The following MAGI2 variants were observed in gnomAD, a reference collection of about 807,000 sequenced individuals.
The protein encoded by MAGI2 is membrane associated guanylate kinase, WW and PDZ domain containing 2.
A neutral mutation model predicts 133.3 loss-of-function variants in MAGI2; 35 were observed. That is an observed-to-expected ratio of 0.26 (90% CI 0.20 to 0.35). The LOEUF is 0.35. Ranked by LOEUF, MAGI2 falls within the 10% of genes least tolerant of loss-of-function variation. The pLI is 1.00. For missense variants in MAGI2, 1,636 were observed against 1,863.4 expected, an observed-to-expected ratio of 0.88 and a Z score of 2.25; for synonymous variants, 729 against 710.6, an observed-to-expected ratio of 1.03 and a Z score of -0.41.
intron 1 of MAGI2, among the ~76,000 whole-genome samples, chr7:79,305,265 A>G (rs1267785513): frequency 6.6e-6 from 1 of 152,166 alleles, no homozygotes; most frequent in Non-Finnish European, 1.5e-5. Flanking sequence ...ATATGTATAT[A>G]GTTTTCAGAG....
intron 20 of MAGI2, 116 bp downstream of exon 20, chr7:78,125,575 CTAG>C: frequency 1.0e-6 from 1 of 981,794 alleles, no homozygotes; most frequent in Non-Finnish European, 1.5e-6. Flanking sequence ...TCATCATCAA[CTAG>C]AAAGAGGGCA....
chr7:78,865,212 G>T lies in MAGI2; in HGVS notation c.418+141878C>A, dbSNP rs373239336. Among the ~76,000 whole-genome samples, 31 of 152,254 alleles carry T rather than the reference G, an allele frequency of 2.0e-4. No homozygotes were observed. The East Asian group carries it at 4.4e-3, about 22-fold the overall frequency. ...AAGTATATAATTTTGAAAAAGGAAA[G>T]ATGATATTGGGTTTGAAAAATTGGT... On this transcript the variant is annotated intron_variant, in intron 2 of 21. Transcript: ENST00000354212.
At chr7:78,156,552 A>G (rs1286170612) in intron 16 of MAGI2, among the ~76,000 whole-genome samples, 1 of 152,146 alleles carries the variant, frequency 6.6e-6, no homozygotes, top group Non-Finnish European at 1.5e-5. Flanking sequence ...CCACATATTC[A>G]TCGAACTCTC....
intron 20 of MAGI2, among the ~76,000 whole-genome samples, chr7:78,119,111 ACT>A (rs1250738215): frequency 6.6e-6 from 1 of 152,172 alleles, no homozygotes; most frequent in African/African-American, 2.4e-5. Context: ...AAAAGGCAAA[ACT>A]CTGCAGTCAG....
Position 78,922,341 on chromosome 7 carries a change from C to G in MAGI2, c.418+84749G>C, listed in dbSNP as rs371794340. On this transcript the variant is annotated intron_variant, in intron 2 of 21. Coordinates refer to ENST00000354212, the MANE Select transcript of MAGI2 (RefSeq NM_012301.4). Reference sequence around the variant, plus strand: ...ATTTCTCCTAATGCTATCCCTCCCCCCTGCCCCCACCCCACAACAGTCCCC... The same window carrying G: ...ATTTCTCCTAATGCTATCCCTCCCCGCTGCCCCCACCCCACAACAGTCCCC... Among the ~76,000 whole-genome samples, 50 of 151,924 alleles carry G rather than the reference C, an allele frequency of 3.3e-4. No individual in the cohort carries two copies. The South Asian group carries it at 5.8e-3, about 18-fold the overall frequency.
chr7:78,387,275 T>A (rs749011894), intron 6 of MAGI2, among the ~76,000 whole-genome samples: 2 of 152,246 alleles, frequency 1.3e-5, no homozygotes, highest in Middle Eastern at 3.4e-3. Flanking sequence ...GGGTGTGAAG[T>A]CTTTACAACT....
intron 1 of MAGI2, among the ~76,000 whole-genome samples, chr7:79,020,142 A>C (rs544311807): frequency 2.0e-5 from 3 of 152,234 alleles, no homozygotes; most frequent in African/African-American, 7.2e-5. Context: ...TGGGAACAGG[A>C]ATAAAGGTGA....
At chr7:78,226,837 C>T (rs994538543) in intron 10 of MAGI2, among the ~76,000 whole-genome samples, 1 of 152,188 alleles carries the variant, frequency 6.6e-6, no homozygotes, top group African/African-American at 2.4e-5. Context: ...ACACTTTTAA[C>T]AGAACTAGAG....
chr7:78,687,306 CTT>C (rs144046369), intron 2 of MAGI2, among the ~76,000 whole-genome samples: 2 of 152,146 alleles, frequency 1.3e-5, no homozygotes, highest in Non-Finnish European at 1.5e-5. Flanking sequence ...TGTGTCAACT[CTT>C]TGGGTCTCAG....
chr7:78,994,820 T>C (rs1252900439), intron 2 of MAGI2, among the ~76,000 whole-genome samples: 1 of 152,154 alleles, frequency 6.6e-6, no homozygotes, highest in Non-Finnish European at 1.5e-5. Flanking sequence ...GTTTGTTAAA[T>C]GCTGGTTCAC....
chr7:79,203,564 C>T (rs528334455), intron 1 of MAGI2, among the ~76,000 whole-genome samples: 1 of 151,894 alleles, frequency 6.6e-6, no homozygotes, highest in Admixed American at 6.6e-5. Flanking sequence ...ACCATTGGTG[C>T]TTCAGTAACC....
intron 9 of MAGI2, among the ~76,000 whole-genome samples, chr7:78,277,556 AAG>A (rs1795170409): frequency 6.6e-6 from 1 of 152,178 alleles, no homozygotes; most frequent in Non-Finnish European, 1.5e-5. Context: ...TGGGGTTAGC[AAG>A]AGAGTGGATT....
intron 10 of MAGI2, among the ~76,000 whole-genome samples, chr7:78,223,311 G>C (rs1584458405): frequency 6.6e-6 from 1 of 152,014 alleles, no homozygotes; most frequent in Admixed American, 6.6e-5. Flanking sequence ...CCACTTTTAA[G>C]AGCTTTCTGT....
At chr7:78,319,119 T>C (rs1283863999) in intron 9 of MAGI2, among the ~76,000 whole-genome samples, 1 of 152,128 alleles carries the variant, frequency 6.6e-6, no homozygotes, top group African/African-American at 2.4e-5. Flanking sequence ...TGTAAAAATA[T>C]GAACCTTAAA....
chr7:78,147,059 A>C (rs1823371620), intron 16 of MAGI2, among the ~76,000 whole-genome samples: 2 of 152,180 alleles, frequency 1.3e-5, no homozygotes, highest in Non-Finnish European at 2.9e-5. Flanking sequence ...TGTCCTTTTC[A>C]ATATATTATC....
chr7:78,202,864 A>G (rs1044538792), intron 10 of MAGI2, among the ~76,000 whole-genome samples: 1 of 152,100 alleles, frequency 6.6e-6, no homozygotes, highest in African/African-American at 2.4e-5. Flanking sequence ...CAATTAATAA[A>G]AAAATTCTGT....
intron 2 of MAGI2, among the ~76,000 whole-genome samples, chr7:78,861,573 A>T (rs1296031742): frequency 6.6e-6 from 1 of 152,208 alleles, no homozygotes; most frequent in Non-Finnish European, 1.5e-5. Flanking sequence ...TTAATATCTA[A>T]GTATCTGGCT....
intron 1 of MAGI2, among the ~76,000 whole-genome samples, chr7:79,186,729 G>GTATATATATATATTTATACAAAAGTA (rs371482167): frequency 1.6e-5 from 2 of 121,922 alleles, no homozygotes; most frequent in African/African-American, 7.0e-5. Flanking sequence ...TTATACAAAA[G>GTATATATATATATTTATACAAAAGTA]TATATATATA....
intron 2 of MAGI2, among the ~76,000 whole-genome samples, chr7:78,701,922 G>A (rs567552913): frequency 5.9e-5 from 9 of 152,012 alleles, no homozygotes; most frequent in African/African-American, 1.7e-4. Flanking sequence ...AGCAACAAAT[G>A]TCTTCAGGAG....
Sources: gnomAD v4.1 joint callset for allele counts (sites outside exome capture counted in the v4.1 genomes callset) on GRCh38, gnomAD v4.1.1 for gene constraint, MANE v1.5 for transcripts, NCBI Gene and HGNC (gene_info 2026-07-23, HGNC 2026-07-21) for gene names.